The following IGSF22 variants were observed in gnomAD, a reference collection of about 807,000 sequenced individuals.
IGSF22 encodes the protein immunoglobulin superfamily, member 22.
Under a neutral mutation model 127.0 loss-of-function variants are expected in IGSF22, and 119 were observed. The ratio of observed to expected loss-of-function variants is 0.94; its 90% CI spans 0.81 to 1.09. The LOEUF is 1.09. IGSF22 is among the 50% of genes least tolerant of loss of function. IGSF22 has a pLI of 0.00. For synonymous variants in IGSF22, 568 were observed against 664.7 expected (o/e 0.85, Z 2.24); for missense variants, 1,518 against 1,716.6 (o/e 0.88, Z 2.04).
In IGSF22 at chr11:18,713,702, G is replaced by T; in HGVS notation, c.2095+150C>A. ...AGAACTGGCTGGGAAGTTAGGAAGCGGGCTTCTGGCTGCAAAGCCAGCCTT... is the reference window on the plus strand; with the variant it reads ...AGAACTGGCTGGGAAGTTAGGAAGCTGGCTTCTGGCTGCAAAGCCAGCCTT... On this transcript the variant is annotated intron_variant, in intron 14 of 22. Transcript: ENST00000513874. 1.8e-5 allele frequency: 12 copies of T among 649,868 alleles called. No individual in the cohort carries two copies. In the South Asian group the frequency reaches 2.4e-4, roughly 13 times the overall value. The allele number at this position is 649,868 out of a possible 1,614,324, so 40.3% of individuals were successfully genotyped here. A position where few individuals can be genotyped will look rare whatever the true frequency, so the allele number is the denominator to read the frequency against.
chr11:18,714,049 CCCCGGAA>C lies in IGSF22; in HGVS notation c.1891_1897del (p.Phe631GlufsTer7). 6.2e-7 allele frequency: 1 copy of C among 1,614,276 alleles called. No individual in the cohort carries two copies. Among genetic ancestry groups the C allele is most frequent in the Non-Finnish European group, 8.5e-7 (1 of 1,180,044 alleles). ...CCATGTCACTTTGGGCAGTGGTTTT[CCCCGGAA>C]GGGGACCTTGATGTGGGCCGTGTGG... On this transcript the variant is annotated frameshift_variant, in exon 14 of 23. Transcript: ENST00000513874. LOFTEE classifies it high-confidence loss of function.
intron 8 of IGSF22, among the ~76,000 whole-genome samples, chr11:18,718,372 A>G (rs1049750438): frequency 2.0e-5 from 3 of 152,184 alleles, no homozygotes; most frequent in African/African-American, 7.2e-5. Flanking sequence ...AAGACTGTCT[A>G]ATCTAGCCTT....
rs746013073 is a variant in IGSF22 at position 18,719,713 on chromosome 11, T to TA, written c.696+2dup. ...AGGCCCCTGCTCCCTGCAGGGTACT[T>TA]ACCTCCACCTCTACTTTCTTCTTCA... On this transcript the variant is annotated splice_region_variant and intron_variant, in intron 7 of 22. Transcript: ENST00000513874. 6.2e-7 allele frequency: 1 copy of TA among 1,613,828 alleles called. No individual in the cohort carries two copies. The highest frequency in any genetic ancestry group is 8.5e-7 in the Non-Finnish European group (1 of 1,179,914).
chr11:18,712,182 C>A lies in IGSF22; in HGVS notation c.2298G>T (p.Val766=). Residue 766 remains valine (V), a synonymous_variant, in exon 15 of 23, where the codon GTG becomes GTT. Transcript: ENST00000513874. ...GGAACTGGTAGGCTTTTCCCTCTTC[C>A]ACCTTGTTGGTGGAGAAGTTGGTGA... is the stretch of plus-strand genomic sequence containing the variant. ...GKVTNFSTNK[V]EEGKAYQFRI... is the part of the protein sequence containing the mutation. 6.4e-7 allele frequency: 1 copy of A among 1,551,740 alleles called. No homozygotes were observed. The highest frequency in any genetic ancestry group is 8.7e-7 in the Non-Finnish European group (1 of 1,147,008).
chr11:18,707,885 G>T lies in IGSF22; in HGVS notation c.3199C>A (p.Arg1067Ser). ...ATTCGGTACACCCCTGAGTCAGAGC[G>T]CTTGGTGCTATTAATGAGGAACTGG... ...HSQFLINSTK[R>S]SDSGVYRILL... Residue 1067 changes from arginine (R) to serine (S), a missense_variant, in exon 20 of 23, where the codon CGC becomes AGC. Arg to Ser is a moderately radical substitution (Grantham distance 110). Transcript: ENST00000513874. 1.2e-6 allele frequency: 2 copies of T among 1,614,172 alleles called. No homozygotes were observed. Among genetic ancestry groups the T allele is most frequent in the Non-Finnish European group, 1.7e-6 (2 of 1,180,030 alleles).
At chr11:18,706,712 C>T in intron 21 of IGSF22, 1 of 518,972 alleles carries the variant, frequency 1.9e-6, no homozygotes, top group Non-Finnish European at 3.3e-6. Flanking sequence ...AAAGGTACCT[C>T]CCCACCTCCA....
intron 6 of IGSF22, 58 bp from the exon 7 acceptor site, chr11:18,719,951 C>A: frequency 1.2e-6 from 2 of 1,611,182 alleles, no homozygotes; most frequent in East Asian, 2.2e-5. Context: ...CCTTGAGAAA[C>A]CCCTCCCTAC....
In IGSF22 at chr11:18,708,188, A is replaced by C. The variant is rs745538491; in HGVS notation, c.3087+19T>G. The C allele has an allele frequency of 3.7e-5, 57 of 1,536,672 alleles. No individual in the cohort carries two copies. The highest frequency in any genetic ancestry group is 4.9e-5 in the Non-Finnish European group (56 of 1,139,338). On this transcript the variant is annotated intron_variant, in intron 19 of 22. Coordinates refer to ENST00000513874, the MANE Select transcript of IGSF22 (RefSeq NM_173588.4). ...GTTATGTGGACAGTGTATGGAGGTC[A>C]GGGTCAGGGACAACTCACAGAGAAG... is the stretch of plus-strand genomic sequence containing the variant.
chr11:18,719,922 G>C (rs773564052), intron 6 of IGSF22, 29 bp from the exon 7 acceptor site: 17 of 1,613,548 alleles, frequency 1.1e-5, no homozygotes, highest in Non-Finnish European at 1.4e-5. Flanking sequence ...GACTAAGCTT[G>C]TACACAATGC....
rs1055528955 is a variant in IGSF22 at position 18,705,744 on chromosome 11, T to C, written c.3910+73A>G. 3 of 1,348,244 alleles carry C rather than the reference T, an allele frequency of 2.2e-6. No homozygotes were observed. In the African/African-American group the frequency reaches 4.4e-5, roughly 20 times the overall value. The allele number at this position is 1,348,244 out of a possible 1,614,324, so 83.5% of individuals were successfully genotyped here. A position where few individuals can be genotyped will look rare whatever the true frequency, so the allele number is the denominator to read the frequency against. On this transcript the variant is annotated intron_variant, in intron 22 of 22. Transcript: ENST00000513874. ...TAAAAAACGGTGCCAGCCAAATAGT[T>C]GACCAATGGCCCACAAGACCAGCCT...
chr11:18,718,128 G>A (rs1453684225), intron 8 of IGSF22, 35 bp from the exon 9 acceptor site: 14 of 1,599,994 alleles, frequency 8.8e-6, no homozygotes, highest in African/African-American at 1.3e-5. Flanking sequence ...GCTGATGAAG[G>A]GCTTTAGGAG....
intron 7 of IGSF22, among the ~76,000 whole-genome samples, chr11:18,719,486 T>C (rs912477459): frequency 1.3e-5 from 2 of 152,186 alleles, no homozygotes; most frequent in African/African-American, 4.8e-5. Flanking sequence ...GATTTGAATC[T>C]CGGTCTATCT....
At chr11:18,721,714 G>A (rs780999220) in intron 3 of IGSF22, 43 bp from the exon 4 acceptor site, 137 of 1,610,708 alleles carry the variant, frequency 8.5e-5, no homozygotes, top group Non-Finnish European at 1.1e-4. Context: ...TAGCCACCAG[G>A]CTAGAGCCTC....
intron 9 of IGSF22, among the ~76,000 whole-genome samples, chr11:18,717,586 T>G (rs1041814604): frequency 6.6e-6 from 1 of 152,086 alleles, no homozygotes; most frequent in South Asian, 2.1e-4. Flanking sequence ...TTTGTAGAGA[T>G]GGGGTTTCAC....
chr11:18,720,432 T>C, intron 4 of IGSF22, 147 bp from the exon 5 acceptor site: 1 of 625,274 alleles, frequency 1.6e-6, no homozygotes, highest in Non-Finnish European at 2.8e-6. Flanking sequence ...GCAGCCTGTA[T>C]GATTTGGAGG....
At position 18,712,388 on chromosome 11, in the gene IGSF22, G is replaced by A; in HGVS notation, c.2096-4C>T. On this transcript the variant is annotated splice_region_variant and splice_polypyrimidine_tract_variant and intron_variant, in intron 14 of 22. Coordinates refer to ENST00000513874, the MANE Select transcript of IGSF22 (RefSeq NM_173588.4). ...CCCTGTGGAGGCTTTGGACGGTCTG[G>A]GGACAGAGAACAGCTTCAGAATGGG... The A allele has an allele frequency of 1.3e-6, 2 of 1,545,666 alleles. No homozygotes were observed. The highest frequency in any genetic ancestry group is 8.7e-7 in the Non-Finnish European group (1 of 1,143,144).
At position 18,706,115 on chromosome 11, in the gene IGSF22, G is replaced by C. The variant is rs1348099271; in HGVS notation, c.3612C>G (p.Tyr1204Ter). 16 of 1,544,872 alleles carry C rather than the reference G, an allele frequency of 1.0e-5. No individual in the cohort carries two copies. Among genetic ancestry groups the C allele is most frequent in the South Asian group, 7.1e-5 (6 of 84,016 alleles). ...IQDLSAKLKP[Y>*]EKKDWRHAPR... is the part of the protein sequence containing the mutation. ...GCGCGTGGCGCCAGTCCTTCTTCTC[G>C]TAGGGCTTGAGCTTGGCGCTCAGGT... The change falls in exon 22 of 23, where the codon TAC (tyrosine) becomes TAG (stop). Residue 1204 changes from tyrosine (Y) to a stop codon, truncating the protein, a stop_gained. Transcript: ENST00000513874. LOFTEE classifies it high-confidence loss of function.
At chr11:18,714,728 G>T in intron 11 of IGSF22, 104 bp from the exon 12 acceptor site, 1 of 1,433,132 alleles carries the variant, frequency 7.0e-7, no homozygotes, top group Non-Finnish European at 9.4e-7. Flanking sequence ...CAGGGGTGCT[G>T]CGTCAATCAA....
chr11:18,719,584 T>G, intron 7 of IGSF22, 132 bp downstream of exon 7: 1 of 833,918 alleles, frequency 1.2e-6, no homozygotes, highest in Non-Finnish European at 1.9e-6. Flanking sequence ...GCTTTCACAG[T>G]GGAGAGTACG....
Sources: allele counts gnomAD v4.1 joint callset (sites outside exome capture counted in the v4.1 genomes callset), GRCh38; gene constraint gnomAD v4.1.1; transcripts MANE v1.5; gene names NCBI Gene and HGNC (gene_info 2026-07-23, HGNC 2026-07-21).